BRD10: variants seen among roughly 807,000 people sequenced by gnomAD.
BRD10 encodes the protein uncharacterized bromodomain-containing protein 10.
the BRD10 span, among the ~76,000 whole-genome samples, chr9:5,997,627 A>T: frequency 8.5e-5 from 13 of 152,224 alleles, no homozygotes; most frequent in Non-Finnish European, 1.8e-4. Flanking sequence ...AATATATCAT[A>T]AACATGGTAA....
the BRD10 span, chr9:5,921,381 A>G: frequency 3.1e-6 from 5 of 1,614,028 alleles, no homozygotes; most frequent in South Asian, 5.5e-5. Flanking sequence ...GTCTTAACAT[A>G]TGCTTTATGC....
At chr9:5,892,291 AAT>A in the BRD10 span, among the ~76,000 whole-genome samples, 1 of 152,354 alleles carries the variant, frequency 6.6e-6, no homozygotes, top group African/African-American at 2.4e-5. Context: ...CCTTGATATG[AAT>A]GAAAGAAGCA....
At chr9:5,932,572 C>T in the BRD10 span, among the ~76,000 whole-genome samples, 1 of 152,080 alleles carries the variant, frequency 6.6e-6, no homozygotes, top group Non-Finnish European at 1.5e-5. Flanking sequence ...TTAAAGTCTA[C>T]AGGAGGATGT....
chr9:5,916,572 T>TA, the BRD10 span, among the ~76,000 whole-genome samples: 14 of 150,036 alleles, frequency 9.3e-5, no homozygotes, highest in South Asian at 2.1e-4. Context: ...AAAACATATA[T>TA]AAAACATATA....
chr9:5,977,764 G>A, the BRD10 span, among the ~76,000 whole-genome samples: 1 of 152,180 alleles, frequency 6.6e-6, no homozygotes, highest in Non-Finnish European at 1.5e-5. Context: ...GAACCCAGGA[G>A]GCAGAGCTTG....
At chr9:5,929,591 T>G in the BRD10 span, among the ~76,000 whole-genome samples, 1 of 152,112 alleles carries the variant, frequency 6.6e-6, no homozygotes, top group African/African-American at 2.4e-5. Context: ...AAAGCAGTCT[T>G]TTTAACAAAC....
the BRD10 span, among the ~76,000 whole-genome samples, chr9:5,957,049 C>T: frequency 4.6e-5 from 7 of 151,970 alleles, no homozygotes; most frequent in Non-Finnish European, 7.4e-5. Context: ...ACACTGACAA[C>T]GATTTTAAAT....
At chr9:5,960,017 C>T in the BRD10 span, among the ~76,000 whole-genome samples, 1 of 152,166 alleles carries the variant, frequency 6.6e-6, no homozygotes, top group Non-Finnish European at 1.5e-5. Context: ...TCAACATTTT[C>T]CACCTATCCA....
chr9:5,964,314 AT>A, the BRD10 span, among the ~76,000 whole-genome samples: 2 of 151,538 alleles, frequency 1.3e-5, no homozygotes, highest in Admixed American at 1.3e-4. Flanking sequence ...AATGCTCACC[AT>A]CACTGGCCAT....
the BRD10 span, among the ~76,000 whole-genome samples, chr9:6,003,183 A>G: frequency 6.6e-6 from 1 of 152,364 alleles, no homozygotes; most frequent in East Asian, 1.9e-4. Flanking sequence ...AGATATTATC[A>G]TAAATGGCAA....
chr9:5,991,686 T>C, the BRD10 span, among the ~76,000 whole-genome samples: 9 of 147,342 alleles, frequency 6.1e-5, no homozygotes, highest in Non-Finnish European at 1.0e-4. Context: ...GATCGTGCCA[T>C]TGCATTCCAG....
At chr9:5,921,074 T>C in the BRD10 span, 68 of 1,613,918 alleles carry the variant, frequency 4.2e-5, no homozygotes, top group Non-Finnish European at 5.6e-5. Context: ...AACCACTGAT[T>C]CATTAACAGG....
chr9:5,918,374 A>G, the BRD10 span, among the ~76,000 whole-genome samples: 1,250 of 152,336 alleles, frequency 8.2e-3, 10 homozygotes, highest in African/African-American at 0.029. Flanking sequence ...GTAGCTCAAG[A>G]TAATGGATAT....
the BRD10 span, chr9:5,914,189 G>A: frequency 2.9e-6 from 1 of 344,548 alleles, no homozygotes; most frequent in Middle Eastern, 3.8e-4. Context: ...TGTCTGCGAG[G>A]AAGGTTAAAA....
chr9:5,889,652 G>C, the BRD10 span, among the ~76,000 whole-genome samples: 1 of 152,070 alleles, frequency 6.6e-6, no homozygotes, highest in African/African-American at 2.4e-5. Context: ...AGGTGTGGTG[G>C]CGTGCACCTG....
At chr9:5,922,166 G>A in the BRD10 span, 25 of 1,613,930 alleles carry the variant, frequency 1.5e-5, no homozygotes, top group African/African-American at 3.3e-4. Flanking sequence ...AATTGACTGT[G>A]AATCTCTTAT....
At chr9:5,993,445 A>C in the BRD10 span, among the ~76,000 whole-genome samples, 1 of 152,136 alleles carries the variant, frequency 6.6e-6, no homozygotes, top group Non-Finnish European at 1.5e-5. Context: ...ATGTAAAAAG[A>C]TGTGATGTTT....
chr9:5,885,744 G>C, the BRD10 span, among the ~76,000 whole-genome samples: 1 of 152,236 alleles, frequency 6.6e-6, no homozygotes, highest in African/African-American at 2.4e-5. Flanking sequence ...AGATGAAGAC[G>C]GAATAGCTCA....
chr9:5,879,373 CA>C, the BRD10 span, among the ~76,000 whole-genome samples: 28 of 144,702 alleles, frequency 1.9e-4, no homozygotes, highest in African/African-American at 1.5e-4. Flanking sequence ...GACTCTGTCT[CA>C]AAAAAAAAAG....
Sources: allele counts gnomAD v4.1 joint callset (sites outside exome capture counted in the v4.1 genomes callset), GRCh38; gene constraint gnomAD v4.1.1; transcripts MANE v1.5; gene names NCBI Gene and HGNC (gene_info 2026-07-23, HGNC 2026-07-21).